The following NDUFAF2 variants were observed in gnomAD, a reference collection of about 807,000 sequenced individuals.
NDUFAF2 encodes the protein NADH:ubiquinone oxidoreductase complex assembly factor 2.
In NDUFAF2, 13 loss-of-function variants were observed where a neutral mutation model predicts 22.8. The observed-to-expected ratio is 0.57, with a 90% CI of 0.37 to 0.91. The LOEUF is 0.91. NDUFAF2 is among the 40% of genes least tolerant of loss of function. The pLI is 0.01. For synonymous variants in NDUFAF2, 53 were observed against 64.2 expected, an observed-to-expected ratio of 0.83 and a Z score of 0.84; for missense variants, 162 against 195.2, an observed-to-expected ratio of 0.83 and a Z score of 1.01.
intron 1 of NDUFAF2, among the ~76,000 whole-genome samples, chr5:61,021,244 G>A (rs1457965290): frequency 2.0e-5 from 3 of 152,042 alleles, no homozygotes; most frequent in Non-Finnish European, 2.9e-5. Context: ...GCAGGGCTGT[G>A]TTTCTTCTTG....
chr5:61,101,025 C>G (rs986543845), intron 3 of NDUFAF2, among the ~76,000 whole-genome samples: 1 of 152,102 alleles, frequency 6.6e-6, no homozygotes, highest in East Asian at 1.9e-4. Context: ...AGTGAACAAC[C>G]ACTTCATTAG....
chr5:61,031,376 C>T (rs762859673), intron 1 of NDUFAF2, among the ~76,000 whole-genome samples: 3 of 151,974 alleles, frequency 2.0e-5, no homozygotes, highest in African/African-American at 2.4e-5. Context: ...TCATTGTTCA[C>T]CTCTCACTTA....
At chr5:61,063,524 A>G (rs973422142) in intron 1 of NDUFAF2, among the ~76,000 whole-genome samples, 3 of 151,934 alleles carry the variant, frequency 2.0e-5, no homozygotes, top group Non-Finnish European at 4.4e-5. Flanking sequence ...AACAAGTCAA[A>G]ACCATCAGAA....
Position 61,058,595 on chromosome 5 carries a change from C to A in NDUFAF2, c.128-14530C>A, listed in dbSNP as rs116047805. Among the ~76,000 whole-genome samples, 943 of 151,966 alleles carry A rather than the reference C, an allele frequency of 6.2e-3. 11 individuals carry two copies. Among genetic ancestry groups the A allele is most frequent in the Middle Eastern group, 0.052 (15 of 290 alleles). On this transcript the variant is annotated intron_variant, in intron 1 of 3. Transcript: ENST00000296597. Reference sequence around the variant, plus strand: ...ATTTAGCTAAAAAAATTTTCATCCCCGCCTTTTTTCCTTCCTTTTTGTGTG... The same window carrying A: ...ATTTAGCTAAAAAAATTTTCATCCCAGCCTTTTTTCCTTCCTTTTTGTGTG...
intron 1 of NDUFAF2, among the ~76,000 whole-genome samples, chr5:61,009,309 G>T (rs1209256518): frequency 5.3e-5 from 8 of 152,004 alleles, no homozygotes; most frequent in Admixed American, 5.3e-4. Flanking sequence ...CATTTAATTT[G>T]CTATTGTGCA....
intron 1 of NDUFAF2, among the ~76,000 whole-genome samples, chr5:60,954,234 C>T (rs1170280537): frequency 6.6e-6 from 1 of 152,122 alleles, no homozygotes; most frequent in East Asian, 1.9e-4. Context: ...CCCATATAGG[C>T]ATTCTGTATA....
chr5:61,023,038 C>T (rs1751604507), intron 1 of NDUFAF2, among the ~76,000 whole-genome samples: 1 of 152,042 alleles, frequency 6.6e-6, no homozygotes, highest in African/African-American at 2.4e-5. Flanking sequence ...TTTCCTAGAC[C>T]CGGGAAGGGA....
At chr5:61,015,880 A>G (rs1751500253) in intron 1 of NDUFAF2, among the ~76,000 whole-genome samples, 3 of 152,126 alleles carry the variant, frequency 2.0e-5, no homozygotes, top group Admixed American at 1.3e-4. Context: ...TGTGGCTAAC[A>G]GATTTGTGTT....
chr5:61,053,874 A>G (rs1249311749), intron 1 of NDUFAF2, among the ~76,000 whole-genome samples: 1 of 152,210 alleles, frequency 6.6e-6, no homozygotes, highest in Non-Finnish European at 1.5e-5. Context: ...TATTTTGTTG[A>G]AAGTTTGCAT....
At chr5:61,067,284 T>C (rs1437672796) in intron 1 of NDUFAF2, among the ~76,000 whole-genome samples, 1 of 151,722 alleles carries the variant, frequency 6.6e-6, no homozygotes, top group Non-Finnish European at 1.5e-5. Context: ...GCATTAGGTA[T>C]ATCTCCTAAT....
At chr5:60,990,098 TTAAAC>T (rs1751138702) in intron 1 of NDUFAF2, among the ~76,000 whole-genome samples, 1 of 152,060 alleles carries the variant, frequency 6.6e-6, no homozygotes, top group Non-Finnish European at 1.5e-5. Context: ...GAGCTAAAAA[TTAAAC>T]AATTGAACTC....
intron 1 of NDUFAF2, among the ~76,000 whole-genome samples, chr5:61,055,129 A>G (rs1752072187): frequency 6.6e-6 from 1 of 152,180 alleles, no homozygotes; most frequent in Admixed American, 6.5e-5. Flanking sequence ...TTGTTTTAGC[A>G]TTCTATTCCT....
At chr5:61,149,031 C>T (rs946703615) in intron 3 of NDUFAF2, among the ~76,000 whole-genome samples, 16 of 152,062 alleles carry the variant, frequency 1.1e-4, no homozygotes, top group African/African-American at 2.9e-4. Context: ...AGTGCAGTGG[C>T]GTGATCTCAG....
intron 1 of NDUFAF2, among the ~76,000 whole-genome samples, chr5:60,960,414 A>G (rs958528699): frequency 1.3e-5 from 2 of 152,182 alleles, no homozygotes; most frequent in Admixed American, 1.3e-4. Context: ...ATGAAACTCA[A>G]TTTGCATTCT....
chr5:61,111,061 T>G (rs1173593619), intron 3 of NDUFAF2, among the ~76,000 whole-genome samples: 1 of 152,192 alleles, frequency 6.6e-6, no homozygotes, highest in Non-Finnish European at 1.5e-5. Context: ...CCTTTTAAAT[T>G]CTTCATTGAC....
chr5:61,002,338 C>T (rs1751307349), intron 1 of NDUFAF2, among the ~76,000 whole-genome samples: 1 of 152,076 alleles, frequency 6.6e-6, no homozygotes, highest in Admixed American at 6.6e-5. Flanking sequence ...GCCTTAACTC[C>T]TTTAGGATCT....
intron 2 of NDUFAF2, among the ~76,000 whole-genome samples, chr5:61,084,867 C>T (rs1752487538): frequency 6.6e-6 from 1 of 152,086 alleles, no homozygotes; most frequent in East Asian, 1.9e-4. Flanking sequence ...ACACAAAAAG[C>T]AGAAGTTGTC....
At chr5:61,114,191 C>A (rs1257967792) in intron 3 of NDUFAF2, among the ~76,000 whole-genome samples, 1 of 152,106 alleles carries the variant, frequency 6.6e-6, no homozygotes, top group Non-Finnish European at 1.5e-5. Flanking sequence ...TTTTCTAGAT[C>A]ATGTAGGCAT....
intron 3 of NDUFAF2, among the ~76,000 whole-genome samples, chr5:61,107,859 T>C (rs1248275531): frequency 7.5e-6 from 1 of 134,044 alleles, no homozygotes; most frequent in Non-Finnish European, 1.5e-5. Flanking sequence ...ATGTTGCCCT[T>C]CCTGTGTCTA....
Sources: gnomAD v4.1 joint callset for allele counts (sites outside exome capture counted in the v4.1 genomes callset) on GRCh38, gnomAD v4.1.1 for gene constraint, MANE v1.5 for transcripts, NCBI Gene and HGNC (gene_info 2026-07-23, HGNC 2026-07-21) for gene names.